ARNT2: variants seen among roughly 807,000 people sequenced by gnomAD.
ARNT2 encodes the protein aryl hydrocarbon receptor nuclear translocator 2.
ARNT2 carries 36 observed loss-of-function variants against 91.7 expected under a neutral mutation model. The ratio of observed to expected loss-of-function variants is 0.39; its 90% confidence interval spans 0.30 to 0.52. ARNT2 has a LOEUF of 0.52. ARNT2 is among the 20% of genes least tolerant of loss of function. ARNT2 has a pLI of 0.72. For missense variants in ARNT2, 775 were observed against 939.3 expected (o/e 0.83, Z 2.29); for synonymous variants, 365 against 347.1 (o/e 1.05, Z -0.57).
intron 12 of ARNT2, among the ~76,000 whole-genome samples, chr15:80,569,870 G>A (rs922449607): frequency 6.6e-6 from 1 of 152,266 alleles, no homozygotes; most frequent in African/African-American, 2.4e-5. Context: ...CCGGGGCACA[G>A]CTACACAACT....
intron 15 of ARNT2, among the ~76,000 whole-genome samples, chr15:80,577,949 C>A (rs1219480155): frequency 6.6e-6 from 1 of 152,196 alleles, no homozygotes; most frequent in African/African-American, 2.4e-5. Flanking sequence ...AAGATGGCAG[C>A]CCTCTGTGAG....
At chr15:80,550,541 C>T (rs1898065708) in intron 8 of ARNT2, among the ~76,000 whole-genome samples, 1 of 152,240 alleles carries the variant, frequency 6.6e-6, no homozygotes, top group African/African-American at 2.4e-5. Context: ...GAACCTTGCA[C>T]TGTGAAGGAC....
intron 10 of ARNT2, among the ~76,000 whole-genome samples, chr15:80,553,733 C>A (rs897887679): frequency 6.6e-6 from 1 of 150,960 alleles, no homozygotes; most frequent in African/African-American, 2.4e-5. Context: ...AAATAAAAAG[C>A]TTTTTTATAA....
At chr15:80,547,393 A>AGTAAAAATT (rs1395149722) in intron 8 of ARNT2, among the ~76,000 whole-genome samples, 1 of 152,234 alleles carries the variant, frequency 6.6e-6, no homozygotes, top group Non-Finnish European at 1.5e-5. Flanking sequence ...CTGAAGAGGC[A>AGTAAAAATT]GTAAAAATTA....
At position 80,596,297 on chromosome 15, in the gene ARNT2, T is replaced by G. The variant is rs1439167524; in HGVS notation, c.*2599T>G. 1 of 152,146 alleles carries G rather than the reference T, an allele frequency of 6.6e-6. No individual in the cohort carries two copies. The highest frequency in any genetic ancestry group is 1.9e-4 in the East Asian group (1 of 5,178). 9.4% of individuals were successfully genotyped at this position (152,146 alleles called of 1,614,324 possible). On this transcript the variant is annotated 3_prime_UTR_variant, in exon 19 of 19. Coordinates refer to ENST00000303329, the MANE Select transcript of ARNT2 (RefSeq NM_014862.4). ...CTAAATAGGCCCAGCCTCCTTCCCTTCCAGCTCTGTCCTAGGAGCATAGGC... is the reference window on the plus strand; with the variant it reads ...CTAAATAGGCCCAGCCTCCTTCCCTGCCAGCTCTGTCCTAGGAGCATAGGC...
intron 1 of ARNT2, among the ~76,000 whole-genome samples, chr15:80,435,604 A>C (rs534773279): frequency 6.6e-6 from 1 of 152,106 alleles, no homozygotes; most frequent in South Asian, 2.1e-4. Context: ...CTCAGAGGCC[A>C]GGTTCCCTCC....
chr15:80,583,180 G>T (rs1898830998), intron 17 of ARNT2, among the ~76,000 whole-genome samples: 1 of 152,252 alleles, frequency 6.6e-6, no homozygotes, highest in East Asian at 1.9e-4. Context: ...GGCAGCCATG[G>T]TCTGCGTGGG....
At chr15:80,525,237 G>A (rs552541189) in intron 8 of ARNT2, among the ~76,000 whole-genome samples, 1 of 152,238 alleles carries the variant, frequency 6.6e-6, no homozygotes, top group South Asian at 2.1e-4. Flanking sequence ...TTTATATTTA[G>A]TTGGTCATGT....
intron 8 of ARNT2, among the ~76,000 whole-genome samples, chr15:80,544,802 A>T (rs1415707950): frequency 6.6e-6 from 1 of 152,236 alleles, no homozygotes; most frequent in Non-Finnish European, 1.5e-5. Flanking sequence ...TAGGAAGAAC[A>T]GTTTAAATGA....
chr15:80,539,254 A>G (rs1407534678), intron 8 of ARNT2, among the ~76,000 whole-genome samples: 1 of 152,190 alleles, frequency 6.6e-6, no homozygotes, highest in Non-Finnish European at 1.5e-5. Flanking sequence ...TAAAGATACT[A>G]AATACAATGC....
intron 3 of ARNT2, among the ~76,000 whole-genome samples, chr15:80,461,947 C>T (rs969480348): frequency 3.9e-5 from 6 of 152,090 alleles, no homozygotes; most frequent in Non-Finnish European, 8.8e-5. Flanking sequence ...GGAAAAATGC[C>T]GATTACACTC....
intron 8 of ARNT2, among the ~76,000 whole-genome samples, chr15:80,516,489 C>T (rs1897436394): frequency 6.6e-6 from 1 of 152,128 alleles, no homozygotes; most frequent in Non-Finnish European, 1.5e-5. Context: ...GTTTCTTCAA[C>T]TTTCTTTTAA....
At chr15:80,458,065 T>C (rs1595971466) in intron 3 of ARNT2, 89 bp downstream of exon 3, 1 of 1,419,682 alleles carries the variant, frequency 7.0e-7, no homozygotes, top group African/African-American at 1.4e-5. Context: ...TCTTTTGTCA[T>C]TGCAAAAGCC....
intron 8 of ARNT2, among the ~76,000 whole-genome samples, chr15:80,536,290 G>T (rs1416738563): frequency 6.6e-6 from 1 of 152,234 alleles, no homozygotes; most frequent in Non-Finnish European, 1.5e-5. Flanking sequence ...TGAGGAGCCA[G>T]GGTCTGATTT....
At chr15:80,415,661 G>A (rs889361528) in intron 1 of ARNT2, among the ~76,000 whole-genome samples, 4 of 152,216 alleles carry the variant, frequency 2.6e-5, no homozygotes, top group African/African-American at 7.2e-5. Flanking sequence ...AACATTGGAT[G>A]TGGACAGCAA....
rs952513762 is a variant in ARNT2, at chr15:80,576,057, C to T, written c.1514-809C>T. Among the ~76,000 whole-genome samples the T allele has an allele frequency of 7.9e-5, 12 of 152,176 alleles. 1 individual carries two copies. The highest frequency in any genetic ancestry group is 2.7e-4 in the African/African-American group (11 of 41,444). On this transcript the variant is annotated intron_variant, in intron 14 of 18. Transcript: ENST00000303329. ...CTTCTGAGGAAGATACTTTTATTCTCGCCTTCTTTCTGTTGGGAAACTGAG... is the reference window on the plus strand; with the variant it reads ...CTTCTGAGGAAGATACTTTTATTCTTGCCTTCTTTCTGTTGGGAAACTGAG...
intron 2 of ARNT2, among the ~76,000 whole-genome samples, chr15:80,455,506 GTA>G (rs1254104316): frequency 6.6e-6 from 1 of 152,008 alleles, no homozygotes; most frequent in Non-Finnish European, 1.5e-5. Flanking sequence ...GGCCAGCGTG[GTA>G]TTATTTACCA....
chr15:80,457,704 A>C (rs1213155124), intron 2 of ARNT2, among the ~76,000 whole-genome samples: 1 of 152,228 alleles, frequency 6.6e-6, no homozygotes, highest in African/African-American at 2.4e-5. Flanking sequence ...AAATATTCCC[A>C]GCCATAGAAT....
At chr15:80,583,987 C>A (rs944764002) in intron 17 of ARNT2, among the ~76,000 whole-genome samples, 1 of 152,206 alleles carries the variant, frequency 6.6e-6, no homozygotes, top group African/African-American at 2.4e-5. Context: ...TTTCTTATGG[C>A]CTTGCCATCA....
Sources: allele counts gnomAD v4.1 joint callset (sites outside exome capture counted in the v4.1 genomes callset), GRCh38; gene constraint gnomAD v4.1.1; transcripts MANE v1.5; gene names NCBI Gene and HGNC (gene_info 2026-07-23, HGNC 2026-07-21).